CYB5R4: variants seen among roughly 807,000 people sequenced by gnomAD.
CYB5R4 encodes the protein N-terminal cytochrome b5 and cytochrome b5 oxidoreductase domain-containing protein.
Under a neutral mutation model 70.2 loss-of-function variants are expected in CYB5R4, and 55 were observed. The ratio of observed to expected loss-of-function variants is 0.78; its 90% confidence interval spans 0.63 to 0.98. The LOEUF (loss-of-function observed/expected upper bound fraction) is 0.98. Ranked by LOEUF, CYB5R4 falls within the 50% of genes least tolerant of loss-of-function variation. CYB5R4 has a pLI of 0.00. For missense variants in CYB5R4, 562 were observed against 612.6 expected (o/e 0.92, Z 0.87); for synonymous variants, 197 against 199.5 (o/e 0.99, Z 0.11).
chr6:83,883,639 A>G (rs1204278110), intron 2 of CYB5R4, among the ~76,000 whole-genome samples: 3 of 152,174 alleles, frequency 2.0e-5, no homozygotes, highest in African/African-American at 4.8e-5. Context: ...TAGATCTGCA[A>G]TATAAGATAG....
At chr6:83,954,458 T>C (rs2099472018) in intron 14 of CYB5R4, among the ~76,000 whole-genome samples, 1 of 152,184 alleles carries the variant, frequency 6.6e-6, no homozygotes, top group Admixed American at 6.6e-5. Flanking sequence ...TGCGTGATGC[T>C]GAAATTTGGA....
intron 7 of CYB5R4, among the ~76,000 whole-genome samples, chr6:83,920,410 G>T (rs972208085): frequency 1.3e-5 from 2 of 152,164 alleles, no homozygotes; most frequent in Non-Finnish European, 2.9e-5. Flanking sequence ...TCTTGATATT[G>T]TCTCTTCATC....
Position 83,911,459 on chromosome 6 carries a change from C to A in CYB5R4, c.412+2369C>A, listed in dbSNP as rs147845044. On this transcript the variant is annotated intron_variant, in intron 4 of 15. Transcript: ENST00000369681. ...GTGAGTAAGATCCCTGGCAACAAGA[C>A]TGAGCTCTTATCTGATGGTGACATA... Among the ~76,000 whole-genome samples the A allele has an allele frequency of 5.3e-4, 80 of 152,190 alleles. 1 individual carries two copies. The highest frequency in any genetic ancestry group is 1.8e-3 in the African/African-American group (73 of 41,520).
chr6:83,932,955 A>G (rs1369068427), intron 10 of CYB5R4, among the ~76,000 whole-genome samples: 1 of 152,188 alleles, frequency 6.6e-6, no homozygotes, highest in African/African-American at 2.4e-5. Context: ...TTGTAAAGGT[A>G]TATATTCCAA....
At chr6:83,907,609 A>AT (rs1159224242) in intron 3 of CYB5R4, among the ~76,000 whole-genome samples, 1 of 151,666 alleles carries the variant, frequency 6.6e-6, no homozygotes, top group Non-Finnish European at 1.5e-5. Flanking sequence ...CCCAATAGTT[A>AT]TTTTTTCTGC....
chr6:83,907,967 G>T (rs1034026523), intron 3 of CYB5R4, among the ~76,000 whole-genome samples: 6 of 152,124 alleles, frequency 3.9e-5, no homozygotes, highest in Non-Finnish European at 7.4e-5. Context: ...ATGGTAGAAT[G>T]ATTTATATTC....
chr6:83,958,538 G>T (rs1439367507), intron 15 of CYB5R4, among the ~76,000 whole-genome samples: 2 of 152,184 alleles, frequency 1.3e-5, no homozygotes, highest in African/African-American at 2.4e-5. Flanking sequence ...GATGCATTAG[G>T]GGTGCAGATT....
chr6:83,930,825 G>A (rs1488447263), intron 10 of CYB5R4, among the ~76,000 whole-genome samples: 1 of 150,256 alleles, frequency 6.7e-6, no homozygotes, highest in African/African-American at 2.4e-5. Context: ...ATCATTCATT[G>A]ACAGTCACCC....
intron 2 of CYB5R4, among the ~76,000 whole-genome samples, chr6:83,881,943 T>TCTTC (rs2099459505): frequency 6.6e-6 from 1 of 152,238 alleles, no homozygotes; most frequent in Non-Finnish European, 1.5e-5. Context: ...CCATTTGTCT[T>TCTTC]CATTGAAGTT....
At chr6:83,910,387 T>C (rs1339526033) in intron 4 of CYB5R4, 1 of 468,728 alleles carries the variant, frequency 2.1e-6, no homozygotes, top group Admixed American at 3.5e-5. Context: ...CATTCTGAAG[T>C]GGGCTTTACT....
chr6:83,935,056 A>G (rs1000050890), intron 11 of CYB5R4, among the ~76,000 whole-genome samples: 2 of 152,172 alleles, frequency 1.3e-5, no homozygotes, highest in Non-Finnish European at 2.9e-5. Flanking sequence ...GAAGACAACT[A>G]CTAGAAGCTC....
intron 11 of CYB5R4, 144 bp from the exon 12 acceptor site, chr6:83,936,080 T>G: frequency 1.7e-6 from 1 of 581,854 alleles, no homozygotes; most frequent in Non-Finnish European, 3.0e-6. Context: ...ACTATATACA[T>G]ATAGAAAAAT....
At chr6:83,936,441 TATCTCCATG>T (rs2099468943) in intron 12 of CYB5R4, 65 bp downstream of exon 12, 7 of 1,383,188 alleles carry the variant, frequency 5.1e-6, no homozygotes. Flanking sequence ...GTCCTCTAGT[TATCTCCATG>T]TAGGAGTCTA....
chr6:83,936,168 A>G (rs1372443485), intron 11 of CYB5R4, 56 bp from the exon 12 acceptor site: 3 of 1,330,210 alleles, frequency 2.3e-6, no homozygotes, highest in Non-Finnish European at 3.0e-6. Context: ...TTTCATTTTC[A>G]TTGAGATTTT....
chr6:83,879,314 A>G (rs1404881126), intron 2 of CYB5R4, among the ~76,000 whole-genome samples: 1 of 152,054 alleles, frequency 6.6e-6, no homozygotes. Flanking sequence ...CCAGTGTGAG[A>G]GTATCAGTGT....
At chr6:83,882,389 C>T (rs74351778) in intron 2 of CYB5R4, among the ~76,000 whole-genome samples, 1 of 152,084 alleles carries the variant, frequency 6.6e-6, no homozygotes, top group Non-Finnish European at 1.5e-5. Flanking sequence ...CTCTATGCTA[C>T]CTGAAGGCTG....
chr6:83,897,215 C>T (rs1422659509), intron 3 of CYB5R4, among the ~76,000 whole-genome samples: 2 of 152,128 alleles, frequency 1.3e-5, no homozygotes, highest in Non-Finnish European at 2.9e-5. Flanking sequence ...CCAGCTTCAT[C>T]CATGTCCCTA....
rs950157217 is a variant in CYB5R4 at position 83,908,913 on chromosome 6, G to A, written c.331-96G>A. 1.0e-5 allele frequency: 9 copies of A among 884,980 alleles called. No individual in the cohort carries two copies. The African/African-American group carries it at 1.5e-4, about 15-fold the overall frequency. 54.8% of individuals were successfully genotyped at this position (884,980 alleles called of 1,614,324 possible). A position where few individuals can be genotyped will look rare whatever the true frequency, so the allele number is the denominator to read the frequency against. The stretch of plus-strand genomic sequence containing the variant: ...TTCTTAGTTTTTAGGTGTGTGTTGA[G>A]AGTGGTTTCAGAAAGTTTAGTTTTG... On this transcript the variant is annotated intron_variant, in intron 3 of 15. Transcript: ENST00000369681.
At chr6:83,892,588 G>A (rs974322177) in intron 2 of CYB5R4, among the ~76,000 whole-genome samples, 5 of 152,126 alleles carry the variant, frequency 3.3e-5, no homozygotes, top group Non-Finnish European at 5.9e-5. Context: ...TTTCTTAAAA[G>A]ATAAAAATAA....
Sources: gnomAD v4.1 joint callset for allele counts (sites outside exome capture counted in the v4.1 genomes callset) on GRCh38, gnomAD v4.1.1 for gene constraint, MANE v1.5 for transcripts, NCBI Gene and HGNC (gene_info 2026-07-23, HGNC 2026-07-21) for gene names.